Variants in CAMTA1 observed in about 807,000 individuals in gnomAD.
CAMTA1 encodes calmodulin-binding transcription activator 1.
CAMTA1 carries 27 observed loss-of-function variants against 170.9 expected under a neutral mutation model. The observed-to-expected ratio is 0.16, with a 90% CI of 0.12 to 0.22. CAMTA1 has a LOEUF of 0.22. Among genes scored for constraint, CAMTA1 ranks in the 10% least tolerant of loss-of-function variants. CAMTA1 has a pLI of 1.00. For missense variants in CAMTA1, 1,619 were observed against 2,217.2 expected (o/e 0.73, Z 5.42); for synonymous variants, 833 against 891.5 (o/e 0.93, Z 1.17).
At position 7,443,395 on chromosome 1, in the gene CAMTA1, A is replaced by G. The variant is rs551815222; in HGVS notation, c.439-24435A>G. 7.5e-4 allele frequency among the ~76,000 whole-genome samples: 114 copies of G among 152,284 alleles called. 1 individual carries two copies. Among genetic ancestry groups the G allele is most frequent in the African/African-American group, 2.7e-3 (111 of 41,556 alleles). Reference sequence around the variant, plus strand: ...GATGCTGCATCAAGGTGGCCTTGGGAGCACGTGGAGATGATGATAGCCATG... The same window carrying G: ...GATGCTGCATCAAGGTGGCCTTGGGGGCACGTGGAGATGATGATAGCCATG... On this transcript the variant is annotated intron_variant, in intron 5 of 22. Coordinates refer to ENST00000303635, the MANE Select transcript of CAMTA1 (RefSeq NM_015215.4). The surrounding 1 kb of genome is among the most constrained non-coding windows in gnomAD (Gnocchi z 4.1).
chr1:7,027,199 A>G (rs764190206), intron 3 of CAMTA1, among the ~76,000 whole-genome samples: 9 of 152,268 alleles, frequency 5.9e-5, no homozygotes, highest in Middle Eastern at 3.4e-3. Flanking sequence ...CTGGAGATAA[A>G]GTAGAAAAAA....
At chr1:7,520,639 G>A (rs1387400301) in intron 6 of CAMTA1, among the ~76,000 whole-genome samples, 1 of 151,938 alleles carries the variant, frequency 6.6e-6, no homozygotes, top group East Asian at 2.0e-4. Flanking sequence ...GGCCCCTTCT[G>A]GGCACCCAGC....
chr1:7,116,872 T>A (rs1420874320), intron 4 of CAMTA1, among the ~76,000 whole-genome samples: 1 of 151,810 alleles, frequency 6.6e-6, no homozygotes, highest in East Asian at 1.9e-4. Flanking sequence ...CAGGATGGTC[T>A]CGATCTCCTG....
rs1047736216 is a variant in CAMTA1 at position 7,682,444 on chromosome 1, C to T, written c.2914+4711C>T. Reference sequence around the variant, plus strand: ...CTCTTGGTTTGGCCTTCTGATCCGTCCACGCTCTCTGTGCTAACAGATGGA... The same window carrying T: ...CTCTTGGTTTGGCCTTCTGATCCGTTCACGCTCTCTGTGCTAACAGATGGA... On this transcript the variant is annotated intron_variant, in intron 11 of 22. Coordinates refer to ENST00000303635, the MANE Select transcript of CAMTA1 (RefSeq NM_015215.4). This position sits in a 1 kb window ranked among gnomAD's most constrained non-coding sequence, Gnocchi z 5.0. Among the ~76,000 whole-genome samples the T allele has an allele frequency of 6.6e-6, 1 of 152,226 alleles. No homozygotes were observed. Among genetic ancestry groups the T allele is most frequent in the African/African-American group, 2.4e-5 (1 of 41,450 alleles).
intron 3 of CAMTA1, among the ~76,000 whole-genome samples, chr1:6,977,284 T>C (rs1693611574): frequency 6.6e-6 from 1 of 151,714 alleles, no homozygotes; most frequent in East Asian, 1.9e-4. Context: ...ATACTTCTGT[T>C]CACTCGGTGC....
Position 6,871,836 on chromosome 1 carries a change from C to T in CAMTA1, c.234+46626C>T, listed in dbSNP as rs1250688428. 5 of 1,478,022 alleles carry T rather than the reference C, an allele frequency of 3.4e-6. No individual in the cohort carries two copies. The African/African-American group carries it at 7.2e-5, about 21-fold the overall frequency. The allele number at this position is 1,478,022 out of a possible 1,614,324, so 91.6% of individuals were successfully genotyped here. On this transcript the variant is annotated intron_variant, in intron 3 of 22. Transcript: ENST00000303635. ...ACCTTTGATCCCCTGACCTGCATTACCTTGGTAACCATTTCATTTTTTAAT... is the reference window on the plus strand; with the variant it reads ...ACCTTTGATCCCCTGACCTGCATTATCTTGGTAACCATTTCATTTTTTAAT...
intron 4 of CAMTA1, among the ~76,000 whole-genome samples, chr1:7,151,634 G>T (rs866488160): frequency 1.3e-5 from 2 of 152,202 alleles, no homozygotes; most frequent in South Asian, 4.1e-4. Context: ...CAGGCATCAG[G>T]GCAGACAGGG....
At chr1:7,464,438 A>C (rs2149524421) in intron 5 of CAMTA1, among the ~76,000 whole-genome samples, 1 of 152,336 alleles carries the variant, frequency 6.6e-6, no homozygotes, top group Non-Finnish European at 1.5e-5. Context: ...GATTCGCCAC[A>C]CGGCCTCATG....
At chr1:7,615,411 G>A (rs1338488390) in intron 6 of CAMTA1, among the ~76,000 whole-genome samples, 3 of 152,250 alleles carry the variant, frequency 2.0e-5, no homozygotes, top group Admixed American at 1.3e-4. Context: ...GGAGCAGGCT[G>A]CTTGAGTGTG....
At chr1:7,384,978 CCA>C (rs1275079524) in intron 5 of CAMTA1, among the ~76,000 whole-genome samples, 1 of 152,064 alleles carries the variant, frequency 6.6e-6, no homozygotes, top group Non-Finnish European at 1.5e-5. Context: ...GTGTGAGCTC[CCA>C]GGATAGGACA....
intron 4 of CAMTA1, among the ~76,000 whole-genome samples, chr1:7,207,145 T>C (rs909043158): frequency 6.6e-5 from 10 of 152,350 alleles, no homozygotes; most frequent in Admixed American, 5.2e-4. Context: ...TGTATAATTA[T>C]CAACAATCAG....
intron 4 of CAMTA1, chr1:7,142,097 T>A (rs1160613021): frequency 1.9e-6 from 1 of 518,702 alleles, no homozygotes; most frequent in Admixed American, 1.9e-5. Context: ...CTGGTACCCC[T>A]TCTGTTACTT....
chr1:7,225,566 G>T (rs1363379082), intron 4 of CAMTA1, among the ~76,000 whole-genome samples: 3 of 152,154 alleles, frequency 2.0e-5, no homozygotes, highest in Non-Finnish European at 4.4e-5. Flanking sequence ...ACCTGGGAGG[G>T]TCCATCAACA....
At chr1:7,018,194 G>T (rs965864598) in intron 3 of CAMTA1, among the ~76,000 whole-genome samples, 6 of 138,424 alleles carry the variant, frequency 4.3e-5, no homozygotes, top group Non-Finnish European at 7.7e-5. Context: ...TCACTCTGGG[G>T]ATGGATGGAG....
At chr1:7,015,576 G>A (rs191863361) in intron 3 of CAMTA1, among the ~76,000 whole-genome samples, 35 of 152,116 alleles carry the variant, frequency 2.3e-4, no homozygotes, top group Admixed American at 2.0e-4. Context: ...GGGCTGTGCC[G>A]TTCCATGACT....
intron 3 of CAMTA1, 38 bp from the exon 4 acceptor site, chr1:7,091,266 C>T: frequency 5.5e-6 from 8 of 1,452,740 alleles, no homozygotes; most frequent in Non-Finnish European, 7.7e-6. Flanking sequence ...CCAATGTGAG[C>T]TAATTGTTGT....
chr1:7,388,238 G>A (rs1042217381), intron 5 of CAMTA1: 9 of 152,270 alleles, frequency 5.9e-5, no homozygotes, highest in African/African-American at 1.9e-4. Flanking sequence ...TGGCCACTGT[G>A]GATGTGAGCG....
chr1:7,235,566 G>T (rs1295075442), intron 4 of CAMTA1, among the ~76,000 whole-genome samples: 2 of 152,330 alleles, frequency 1.3e-5, no homozygotes, highest in Middle Eastern at 3.4e-3. Context: ...GGCGGAGGTT[G>T]CAGTGAGCAG....
At position 7,455,263 on chromosome 1, in the gene CAMTA1, A is replaced by G. The variant is rs1413207516; in HGVS notation, c.439-12567A>G. Among the ~76,000 whole-genome samples, 1 of 152,192 alleles carries G rather than the reference A, an allele frequency of 6.6e-6. No homozygotes were observed. The highest frequency in any genetic ancestry group is 1.5e-5 in the Non-Finnish European group (1 of 68,038). ...GTGTGTGTTTCCGACACTGGCTCCC[A>G]GGTGGAAGGCCTGATGCCGCCCTGC... is the stretch of plus-strand genomic sequence containing the variant. On this transcript the variant is annotated intron_variant, in intron 5 of 22. Transcript: ENST00000303635. This position sits in a 1 kb window ranked among gnomAD's most constrained non-coding sequence, Gnocchi z 5.0.
Sources: allele counts gnomAD v4.1 joint callset (sites outside exome capture counted in the v4.1 genomes callset), GRCh38; gene constraint gnomAD v4.1.1; non-coding constraint Gnocchi (gnomAD v3.1); transcripts MANE v1.5; gene names NCBI Gene and HGNC (gene_info 2026-07-23, HGNC 2026-07-21).